The following NFATC1 variants were observed in gnomAD, a reference collection of about 807,000 sequenced individuals.
NFATC1 encodes the protein nuclear factor of activated T cells 1.
A neutral mutation model predicts 76.0 loss-of-function variants in NFATC1; 22 were observed. The observed-to-expected ratio is 0.29, with a 90% CI of 0.21 to 0.41. NFATC1 has a LOEUF of 0.41. Among genes scored for constraint, NFATC1 ranks in the 10% least tolerant of loss-of-function variants. NFATC1 has a pLI of 1.00. For missense variants in NFATC1, 1,357 were observed against 1,337.7 expected (o/e 1.01, Z -0.23); for synonymous variants, 704 against 613.1 (o/e 1.15, Z -2.19).
At chr18:79,432,413 C>CCACACGGA (rs2086631659) in intron 2 of NFATC1, among the ~76,000 whole-genome samples, 2 of 52,466 alleles carry the variant, frequency 3.8e-5, no homozygotes, top group Non-Finnish European at 7.5e-5. Flanking sequence ...GGCCACATAG[C>CCACACGGA]GGTGAGGACA....
intron 2 of NFATC1, among the ~76,000 whole-genome samples, chr18:79,419,710 C>T (rs753777452): frequency 2.0e-4 from 31 of 152,282 alleles, no homozygotes; most frequent in African/African-American, 7.5e-4. Context: ...TCCTGATGTG[C>T]GTCGGTGACC....
intron 2 of NFATC1, among the ~76,000 whole-genome samples, chr18:79,426,189 G>A (rs763700132): frequency 2.0e-5 from 3 of 152,020 alleles, no homozygotes; most frequent in African/African-American, 4.8e-5. Context: ...AAAAGAATTC[G>A]ATAATCCTGC....
chr18:79,462,881 G>A (rs1255688283), intron 7 of NFATC1, among the ~76,000 whole-genome samples: 1 of 152,180 alleles, frequency 6.6e-6, no homozygotes, highest in East Asian at 1.9e-4. Flanking sequence ...GGTCCCTTCA[G>A]AAACCTCAGG....
At chr18:79,460,940 A>G (rs368778857) in intron 6 of NFATC1, among the ~76,000 whole-genome samples, 2 of 152,184 alleles carry the variant, frequency 1.3e-5, no homozygotes, top group African/African-American at 2.4e-5. Flanking sequence ...GGACGAGGGC[A>G]TAGAGACCCT....
chr18:79,411,485 C>G lies in NFATC1; in HGVS notation c.1210C>G (p.Pro404Ala). 1 of 1,506,406 alleles carries G rather than the reference C, an allele frequency of 6.6e-7. No individual in the cohort carries two copies. 93.3% of individuals were successfully genotyped at this position (1,506,406 alleles called of 1,614,324 possible). Residue 404 changes from proline (P) to alanine (A), a missense_variant, in exon 2 of 10, where the codon CCT becomes GCT. This residue lies in a region of NFATC1 where 691 missense variants were observed against 613.1 expected (regional missense o/e 1.13). Coordinates refer to ENST00000427363, the MANE Select transcript of NFATC1 (RefSeq NM_001278669.2). ...YQWAKPKPLSPTSYMSPTLPA... is the reference protein window; with the variant it reads ...YQWAKPKPLSATSYMSPTLPA... ...GTGGGCGAAGCCCAAGCCCCTGTCC[C>G]CTACGTCCTACATGAGGTGAGCCGG... is the stretch of plus-strand genomic sequence containing the variant.
chr18:79,526,685 G>A (rs2090774440), intron 9 of NFATC1, among the ~76,000 whole-genome samples: 1 of 152,166 alleles, frequency 6.6e-6, no homozygotes. Flanking sequence ...TTTTATTATT[G>A]TTATTCTTAA....
At chr18:79,461,239 C>T in intron 6 of NFATC1, 72 bp from the exon 7 acceptor site, 1 of 1,567,260 alleles carries the variant, frequency 6.4e-7, no homozygotes, top group East Asian at 2.2e-5. Flanking sequence ...GGGTCTGGAT[C>T]ACGTGGGGGT....
At chr18:79,448,634 A>T in intron 3 of NFATC1, 148 bp from the exon 4 acceptor site, 1 of 736,762 alleles carries the variant, frequency 1.4e-6, no homozygotes, top group African/African-American at 1.8e-5. Context: ...ATTTACAAAG[A>T]CACCAGTATG....
At chr18:79,488,156 G>C (rs1291988796) in intron 9 of NFATC1, among the ~76,000 whole-genome samples, 1 of 152,154 alleles carries the variant, frequency 6.6e-6, no homozygotes, top group Admixed American at 6.5e-5. Context: ...ACGCCTTCCT[G>C]CTGTTTCCTG....
At chr18:79,501,718 A>C (rs567001772) in intron 9 of NFATC1, among the ~76,000 whole-genome samples, 1 of 151,526 alleles carries the variant, frequency 6.6e-6, no homozygotes, top group East Asian at 1.9e-4. Context: ...TTATGTCTAT[A>C]TGCAAGGAAT....
chr18:79,510,099 A>G (rs1263359436), intron 9 of NFATC1, among the ~76,000 whole-genome samples: 1 of 152,252 alleles, frequency 6.6e-6, no homozygotes, highest in Admixed American at 6.5e-5. Flanking sequence ...AACAGAAGAA[A>G]TTAGTGCTTA....
intron 7 of NFATC1, among the ~76,000 whole-genome samples, chr18:79,462,022 C>T (rs941812367): frequency 6.6e-6 from 1 of 152,198 alleles, no homozygotes; most frequent in African/African-American, 2.4e-5. Flanking sequence ...CTGCTGTCAC[C>T]GGGCCGTTTC....
At chr18:79,506,782 C>A (rs2090129198) in intron 9 of NFATC1, among the ~76,000 whole-genome samples, 2 of 152,152 alleles carry the variant, frequency 1.3e-5, no homozygotes, top group Admixed American at 1.3e-4. Context: ...TCAGCCACTT[C>A]CTGCCTGGCT....
intron 1 of NFATC1, among the ~76,000 whole-genome samples, chr18:79,408,521 C>T (rs1367911862): frequency 6.6e-6 from 1 of 152,228 alleles, no homozygotes; most frequent in Non-Finnish European, 1.5e-5. Flanking sequence ...GTACCAGAAT[C>T]TTCTGTTTTG....
intron 6 of NFATC1, among the ~76,000 whole-genome samples, chr18:79,458,547 C>T (rs923086086): frequency 6.6e-6 from 1 of 152,202 alleles, no homozygotes; most frequent in Non-Finnish European, 1.5e-5. Context: ...GGAAACCTCG[C>T]GGGTGTGGCA....
At chr18:79,474,208 A>ACGC (rs2088929876) in intron 8 of NFATC1, among the ~76,000 whole-genome samples, 3 of 23,806 alleles carry the variant, frequency 1.3e-4, no homozygotes, top group African/African-American at 5.0e-4. Flanking sequence ...GCGTGTTCTC[A>ACGC]TGCTCACTGT....
intron 3 of NFATC1, among the ~76,000 whole-genome samples, chr18:79,435,847 C>A (rs1378501505): frequency 3.3e-5 from 5 of 152,232 alleles, no homozygotes; most frequent in Non-Finnish European, 7.3e-5. Context: ...ACAGAAGGAG[C>A]CCTTTCCATT....
At position 79,410,989 on chromosome 18, in the gene NFATC1, C is replaced by G. The variant is rs1414610123; in HGVS notation, c.714C>G (p.Pro238=). The change falls in exon 2 of 10, where the codon CCC becomes CCG. Residue 238 remains proline (P), a synonymous_variant. Transcript: ENST00000427363. This position sits in a 1 kb window ranked among gnomAD's most constrained non-coding sequence, Gnocchi z 6.7. ...CTLLGSPRHS[P]STSPRASVTE... ...TGCTGGGTTCCCCGCGGCACTCCCC[C>G]TCCACCTCGCCCCGCGCCAGCGTCA... 8.7e-6 allele frequency: 14 copies of G among 1,607,086 alleles called. No individual in the cohort carries two copies. Among genetic ancestry groups the G allele is most frequent in the Non-Finnish European group, 6.8e-6 (8 of 1,177,108 alleles).
intron 3 of NFATC1, 80 bp downstream of exon 3, chr18:79,433,818 C>A: frequency 6.6e-7 from 1 of 1,515,984 alleles, no homozygotes; most frequent in East Asian, 2.3e-5. Flanking sequence ...GCTAACTGTG[C>A]TTAGACTCTC....
Sources: allele counts gnomAD v4.1 joint callset (sites outside exome capture counted in the v4.1 genomes callset), GRCh38; gene constraint gnomAD v4.1.1; regional missense constraint gnomAD v4.1.1; non-coding constraint Gnocchi (gnomAD v3.1); transcripts MANE v1.5; gene names NCBI Gene and HGNC (gene_info 2026-07-23, HGNC 2026-07-21).